Variants in CDH13 observed in about 807,000 individuals in gnomAD.
CDH13 encodes cadherin 13, also known as cadherin-13.
A neutral mutation model predicts 63.8 loss-of-function variants in CDH13; 24 were observed. That is an observed-to-expected ratio of 0.38 (90% confidence interval 0.27 to 0.53). The LOEUF is 0.53. Among genes scored for constraint, CDH13 ranks in the 20% least tolerant of loss-of-function variants. CDH13 has a pLI of 0.85. For missense variants in CDH13, 1,049 were observed against 903.1 expected (o/e 1.16, Z -2.07); for synonymous variants, 503 against 355.3 (o/e 1.42, Z -4.67).
intron 6 of CDH13, among the ~76,000 whole-genome samples, chr16:83,473,878 T>C (rs1004865754): frequency 8.9e-5 from 13 of 146,602 alleles, no homozygotes; most frequent in African/African-American, 3.2e-4. Context: ...CTCCATAAAA[T>C]GGGCTAATGA....
intron 5 of CDH13, among the ~76,000 whole-genome samples, chr16:83,335,577 A>T (rs907826704): frequency 2.0e-5 from 3 of 152,112 alleles, no homozygotes; most frequent in African/African-American, 7.2e-5. Flanking sequence ...GCCTCCAAAG[A>T]AGGAAAAAGT....
At chr16:83,432,352 C>A (rs2072145761) in intron 6 of CDH13, among the ~76,000 whole-genome samples, 1 of 152,196 alleles carries the variant, frequency 6.6e-6, no homozygotes, top group South Asian at 2.1e-4. Flanking sequence ...ATCCTATAAT[C>A]TACCCCAATG....
At chr16:82,883,226 A>C (rs554171543) in intron 2 of CDH13, among the ~76,000 whole-genome samples, 1 of 152,344 alleles carries the variant, frequency 6.6e-6, no homozygotes, top group South Asian at 2.1e-4. Flanking sequence ...TGAGAAATGA[A>C]AGCAGGCAGT....
intron 2 of CDH13, among the ~76,000 whole-genome samples, chr16:82,983,021 AC>A: frequency 6.6e-6 from 1 of 152,202 alleles, no homozygotes; most frequent in East Asian, 1.9e-4. Context: ...CTGACATGTG[AC>A]CCCAGATGCT....
chr16:83,347,269 A>G (rs796767913), intron 6 of CDH13, among the ~76,000 whole-genome samples: 31 of 143,690 alleles, frequency 2.2e-4, no homozygotes, highest in African/African-American at 7.7e-4. Context: ...TATTTCCATT[A>G]TGCTCTGCTC....
chr16:82,701,571 G>T (rs1177046529), intron 1 of CDH13, among the ~76,000 whole-genome samples: 4 of 152,218 alleles, frequency 2.6e-5, no homozygotes, highest in African/African-American at 7.2e-5. Flanking sequence ...TTGTCATCAG[G>T]AATATGTCCT....
intron 7 of CDH13, among the ~76,000 whole-genome samples, chr16:83,519,295 A>G (rs1356125601): frequency 3.5e-4 from 53 of 152,202 alleles, no homozygotes; most frequent in Admixed American, 3.5e-3. Flanking sequence ...GAGTCCAGTG[A>G]TATCCAAGGG....
intron 1 of CDH13, among the ~76,000 whole-genome samples, chr16:82,752,413 G>A (rs1373474417): frequency 2.0e-5 from 3 of 152,118 alleles, no homozygotes; most frequent in Non-Finnish European, 4.4e-5. Context: ...CACCCCATGT[G>A]TCTAGAACAA....
At chr16:82,647,372 A>G (rs1910217329) in intron 1 of CDH13, among the ~76,000 whole-genome samples, 1 of 152,198 alleles carries the variant, frequency 6.6e-6, no homozygotes, top group Admixed American at 6.5e-5. Context: ...GTTTCCTCAA[A>G]AGCGGATGCT....
chr16:83,368,887 TATATATATATATATATATATA>T lies in CDH13; in HGVS notation c.781+23882_781+23902del, dbSNP rs2091306217. Among the ~76,000 whole-genome samples, 90 of 37,992 alleles carry T rather than the reference TATATATATATATATATATATA, an allele frequency of 2.4e-3. 8 individuals are homozygous for T. The highest frequency in any genetic ancestry group is 3.6e-3 in the Admixed American group (14 of 3,884). 24.9% of individuals were successfully genotyped at this position (37,992 alleles called of 152,430 possible). A position where few individuals can be genotyped will look rare whatever the true frequency, so the allele number is the denominator to read the frequency against. On this transcript the variant is annotated intron_variant, in intron 6 of 13. Transcript: ENST00000567109. ...GGCTGAGTAGTAGTATTCCATGTTA[TATATATATATATATATATATA>T]TATATATATATATATATATATATAT...
intron 6 of CDH13, among the ~76,000 whole-genome samples, chr16:83,409,994 C>G (rs2151455197): frequency 6.6e-6 from 1 of 152,318 alleles, no homozygotes; most frequent in South Asian, 2.1e-4. Context: ...GCCTTATTTC[C>G]TGTGTGAAAC....
chr16:82,920,830 T>C (rs1187230599), intron 2 of CDH13, among the ~76,000 whole-genome samples: 1 of 152,240 alleles, frequency 6.6e-6, no homozygotes, highest in Non-Finnish European at 1.5e-5. Flanking sequence ...TTTCATCTAT[T>C]AAACATTTAT....
intron 2 of CDH13, among the ~76,000 whole-genome samples, chr16:82,913,607 C>A (rs2041901072): frequency 6.6e-6 from 1 of 152,108 alleles, no homozygotes; most frequent in African/African-American, 2.4e-5. Context: ...ACCACAGAGG[C>A]CAGCAGAGCA....
At chr16:82,722,596 A>G (rs901125598) in intron 1 of CDH13, among the ~76,000 whole-genome samples, 8 of 152,166 alleles carry the variant, frequency 5.3e-5, no homozygotes, top group African/African-American at 1.7e-4. Flanking sequence ...TCATGGACCA[A>G]GTATGGAGAG....
intron 10 of CDH13, among the ~76,000 whole-genome samples, chr16:83,727,951 G>T (rs1271016818): frequency 6.6e-6 from 1 of 152,192 alleles, no homozygotes; most frequent in Non-Finnish European, 1.5e-5. Flanking sequence ...TTGACTGATG[G>T]ATTTGGAGGG....
intron 5 of CDH13, among the ~76,000 whole-genome samples, chr16:83,338,318 G>T (rs1027172783): frequency 6.6e-6 from 1 of 152,150 alleles, no homozygotes; most frequent in African/African-American, 2.4e-5. Flanking sequence ...ACTGTCAGCT[G>T]TAATATGCCG....
chr16:83,261,741 A>G (rs933846306), intron 5 of CDH13, among the ~76,000 whole-genome samples: 4 of 151,126 alleles, frequency 2.6e-5, no homozygotes, highest in African/African-American at 4.9e-5. Flanking sequence ...GTTAGATAAC[A>G]GTCACAAGAT....
intron 7 of CDH13, among the ~76,000 whole-genome samples, chr16:83,554,111 G>A (rs899832849): frequency 2.6e-5 from 4 of 152,132 alleles, no homozygotes; most frequent in Admixed American, 1.3e-4. Context: ...ATGTAGCAGT[G>A]CCATTTCTGT....
At chr16:83,191,536 T>C (rs1451532886) in intron 4 of CDH13, among the ~76,000 whole-genome samples, 8,754 of 112,528 alleles carry the variant, frequency 0.078, 403 homozygotes, top group African/African-American at 0.11. Context: ...CACACATATA[T>C]ATATATATAT....
Sources: gnomAD v4.1 joint callset for allele counts (sites outside exome capture counted in the v4.1 genomes callset) on GRCh38, gnomAD v4.1.1 for gene constraint, MANE v1.5 for transcripts, NCBI Gene and HGNC (gene_info 2026-07-23, HGNC 2026-07-21) for gene names.